Variants in IGSF10 observed in about 807,000 individuals in gnomAD.
The protein encoded by IGSF10 is calvaria mechanical force protein 608.
IGSF10 carries 126 observed loss-of-function variants against 128.2 expected under a neutral mutation model. The observed-to-expected ratio is 0.98, with a 90% CI of 0.85 to 1.14. IGSF10 has a LOEUF of 1.14. Among genes scored for constraint, IGSF10 ranks in the 50% most tolerant of loss-of-function variants. The probability of loss-of-function intolerance (pLI) is 0.00; values close to 1 mark genes in which losing one functional copy is unlikely to be tolerated. For synonymous variants in IGSF10, 1,185 were observed against 1,146.2 expected, an observed-to-expected ratio of 1.03 and a Z score of -0.68; for missense variants, 3,295 against 3,149.8, an observed-to-expected ratio of 1.05 and a Z score of -1.10.
At chr3:151,463,545 T>TG (rs1560185563), upstream of IGSF10, among the ~76,000 whole-genome samples, 20 of 108,410 alleles carry the variant, frequency 1.8e-4, 1 homozygote, top group Middle Eastern at 4.9e-3. Context: ...TTTTTTTTTT[T>TG]TTTTTTTTTT....
chr3:151,603,745 G>A, the IGSF10 span, among the ~76,000 whole-genome samples: 3 of 152,226 alleles, frequency 2.0e-5, no homozygotes, highest in East Asian at 1.9e-4. Context: ...TGGGAGCCAG[G>A]AGAGCTCATG....
At chr3:151,584,180 C>T in the IGSF10 span, among the ~76,000 whole-genome samples, 1 of 152,016 alleles carries the variant, frequency 6.6e-6, no homozygotes, top group Non-Finnish European at 1.5e-5. Flanking sequence ...GTGGATTGAT[C>T]CTTTTATTAT....
the IGSF10 span, among the ~76,000 whole-genome samples, chr3:151,585,898 T>G: frequency 6.6e-6 from 1 of 152,142 alleles, no homozygotes; most frequent in Non-Finnish European, 1.5e-5. Flanking sequence ...AATTCAGAAT[T>G]ACAAGCATTT....
In IGSF10 at chr3:151,443,420, C is replaced by G; in HGVS notation, c.5527G>C (p.Val1843Leu). Residue 1843 changes from valine (V) to leucine (L), a missense_variant, in exon 7 of 8, where the codon GTT becomes CTT. Coordinates refer to ENST00000282466, the MANE Select transcript of IGSF10 (RefSeq NM_178822.5). ...VKIQVIAAPP[V>L]ILEQRRQVIV... is the part of the protein sequence containing the mutation. ...ACTTGCCTCCTTTGCTCTAGAATAACAGGTGGTGCTGCAATGACTTGTATT... is the reference window on the plus strand; with the variant it reads ...ACTTGCCTCCTTTGCTCTAGAATAAGAGGTGGTGCTGCAATGACTTGTATT... 1.2e-6 allele frequency: 2 copies of G among 1,614,242 alleles called. No homozygotes were observed. The highest frequency in any genetic ancestry group is 1.7e-6 in the Non-Finnish European group (2 of 1,180,048).
Position 151,446,453 on chromosome 3 carries a change from C to T in IGSF10, c.3528G>A (p.Val1176=). The T allele has an allele frequency of 1.2e-6, 2 of 1,614,170 alleles. No individual in the cohort carries two copies. Among genetic ancestry groups the T allele is most frequent in the Non-Finnish European group, 1.7e-6 (2 of 1,180,012 alleles). Residue 1176 remains valine, a synonymous_variant, in exon 6 of 8, where the codon GTG becomes GTA. Coordinates refer to ENST00000282466, the MANE Select transcript of IGSF10 (RefSeq NM_178822.5). The part of the protein sequence containing the change: ...SSTNEAKRDS[V]ITSSLSGAIT... ...TAGCACCTGAAAGTGACGATGTAAT[C>T]ACTGAATCTCTTTTAGCTTCATTGG...
In IGSF10 at chr3:151,448,671, T is replaced by G. The variant is rs776858495; in HGVS notation, c.1310A>C (p.Gln437Pro). 7 of 1,614,170 alleles carry G rather than the reference T, an allele frequency of 4.3e-6. No individual in the cohort carries two copies. The highest frequency in any genetic ancestry group is 5.9e-6 in the Non-Finnish European group (7 of 1,180,036). ...GAATGTGGTGGCAGTTCTGTTCAGC[T>G]GCAAGGAAATTTGGTCTTGCATTAA... Reference protein sequence around the residue: ...SWLMQDQISLQLNRTATTFST... With the variant: ...SWLMQDQISLPLNRTATTFST... Residue 437 changes from glutamine to proline, a missense_variant, in exon 6 of 8, where the codon CAG (glutamine) becomes CCG (proline). Gln to Pro is a moderately conservative substitution (Grantham distance 76, BLOSUM62 -1). Coordinates refer to ENST00000282466, the MANE Select transcript of IGSF10 (RefSeq NM_178822.5).
At chr3:151,534,502 C>T in the IGSF10 span, among the ~76,000 whole-genome samples, 39 of 152,202 alleles carry the variant, frequency 2.6e-4, no homozygotes, top group African/African-American at 9.4e-4. Flanking sequence ...ATGTCCTTTT[C>T]CGGGACATGG....
chr3:151,493,824 TTG>T, the IGSF10 span, among the ~76,000 whole-genome samples: 1 of 146,286 alleles, frequency 6.8e-6, no homozygotes, highest in African/African-American at 2.5e-5. Context: ...TACCAATTTT[TTG>T]TGTTTTGTTT....
the IGSF10 span, among the ~76,000 whole-genome samples, chr3:151,534,673 A>AG: frequency 6.9e-6 from 1 of 145,310 alleles, no homozygotes; most frequent in South Asian, 2.2e-4. Context: ...GAGCTGGGGG[A>AG]GGGGTAGCAT....
chr3:151,515,619 T>C, the IGSF10 span, among the ~76,000 whole-genome samples: 34 of 151,432 alleles, frequency 2.2e-4, no homozygotes, highest in South Asian at 4.6e-3. Flanking sequence ...TGAAGTATAA[T>C]ATAAAAAATA....
the IGSF10 span, among the ~76,000 whole-genome samples, chr3:151,530,772 A>G: frequency 6.6e-6 from 1 of 152,204 alleles, no homozygotes. Context: ...ACCAAATTGT[A>G]AAGACCATCG....
At chr3:151,547,856 C>T in the IGSF10 span, among the ~76,000 whole-genome samples, 1 of 152,094 alleles carries the variant, frequency 6.6e-6, no homozygotes, top group Non-Finnish European at 1.5e-5. Flanking sequence ...ATGTATTTTC[C>T]TTCATATTTT....
At chr3:151,597,830 T>C in the IGSF10 span, among the ~76,000 whole-genome samples, 1 of 151,176 alleles carries the variant, frequency 6.6e-6, no homozygotes, top group Admixed American at 6.6e-5. Context: ...GGCAGAAGAA[T>C]CCCTTGAACC....
chr3:151,558,435 A>G, the IGSF10 span, among the ~76,000 whole-genome samples: 124 of 152,222 alleles, frequency 8.1e-4, 1 homozygote, highest in African/African-American at 2.7e-3. Context: ...CCCATTCAAG[A>G]CACTGCCAAG....
At chr3:151,465,792 A>G (rs558074699), upstream of IGSF10, among the ~76,000 whole-genome samples, 23 of 152,324 alleles carry the variant, frequency 1.5e-4, no homozygotes, top group South Asian at 1.2e-3. Context: ...TTGTACTTCT[A>G]TATTTGAGTC....
chr3:151,456,331 A>G (rs1721790627), intron 4 of IGSF10, among the ~76,000 whole-genome samples: 1 of 152,206 alleles, frequency 6.6e-6, no homozygotes, highest in Non-Finnish European at 1.5e-5. Context: ...ACTGTATTTT[A>G]TGAGGAGCTT....
intron 5 of IGSF10, among the ~76,000 whole-genome samples, chr3:151,450,761 T>TG (rs1041969038): frequency 1.3e-5 from 2 of 151,810 alleles, no homozygotes; most frequent in African/African-American, 4.8e-5. Flanking sequence ...CCAGGCATGG[T>TG]GGCACATGTC....
At chr3:151,490,979 CCCA>C in the IGSF10 span, among the ~76,000 whole-genome samples, 1 of 151,530 alleles carries the variant, frequency 6.6e-6, no homozygotes, top group Admixed American at 6.6e-5. Flanking sequence ...AATGAACAAA[CCCA>C]AAATTAGCGG....
chr3:151,450,739 A>G (rs1445527716), intron 5 of IGSF10, among the ~76,000 whole-genome samples: 1 of 151,948 alleles, frequency 6.6e-6, no homozygotes, highest in Non-Finnish European at 1.5e-5. Context: ...TCTACTAAAA[A>G]TACAAAATTA....
Sources: gnomAD v4.1 joint callset for allele counts (sites outside exome capture counted in the v4.1 genomes callset) on GRCh38, gnomAD v4.1.1 for gene constraint, MANE v1.5 for transcripts, NCBI Gene and HGNC (gene_info 2026-07-23, HGNC 2026-07-21) for gene names.